OGN: variants seen among roughly 807,000 people sequenced by gnomAD.
The protein encoded by OGN is mimecan.
In OGN, 19 loss-of-function variants were observed where a neutral mutation model predicts 30.8. The observed-to-expected ratio is 0.62, with a 90% CI of 0.43 to 0.90. OGN has a LOEUF of 0.90. Among genes scored for constraint, OGN ranks in the 40% least tolerant of loss-of-function variants. OGN has a pLI of 0.00. For missense variants in OGN, 283 were observed against 349.7 expected, an observed-to-expected ratio of 0.81 and a Z score of 1.52; for synonymous variants, 126 against 128.3, an observed-to-expected ratio of 0.98 and a Z score of 0.12.
intron 3 of OGN, among the ~76,000 whole-genome samples, chr9:92,393,658 A>T (rs1316253231): frequency 6.6e-6 from 1 of 152,224 alleles, no homozygotes; most frequent in Admixed American, 6.5e-5. Flanking sequence ...TGAAAATTAG[A>T]GTAATCGTAG....
chr9:92,389,254 A>C (rs1842568451), intron 5 of OGN, among the ~76,000 whole-genome samples: 1 of 152,186 alleles, frequency 6.6e-6, no homozygotes, highest in Non-Finnish European at 1.5e-5. Context: ...ATTTTGAGAC[A>C]AATTGTCTAC....
chr9:92,390,078 AAAC>A (rs1564292842), intron 4 of OGN, 22 bp from the exon 5 acceptor site: 1 of 1,360,450 alleles, frequency 7.4e-7, no homozygotes, highest in Non-Finnish European at 1.0e-6. Flanking sequence ...AAAATATAAA[AAAC>A]AACTACGTAA....
intron 3 of OGN, among the ~76,000 whole-genome samples, chr9:92,399,083 T>C (rs996817733): frequency 2.0e-5 from 3 of 151,806 alleles, no homozygotes; most frequent in Admixed American, 1.3e-4. Context: ...TCAAAGTTGG[T>C]TCTTATGTCA....
chr9:92,402,993 T>C (rs559850786), intron 2 of OGN, among the ~76,000 whole-genome samples: 53 of 152,326 alleles, frequency 3.5e-4, no homozygotes, highest in African/African-American at 1.3e-3. Flanking sequence ...TCTAGTTTTC[T>C]TTAAGTTTTA....
rs1293424272 is a variant in OGN at position 92,393,200 on chromosome 9, A to G, written c.313T>C (p.Tyr105His). Residue 105 changes from tyrosine (Y) to histidine (H), a missense_variant, in exon 4 of 7, where the codon TAC (tyrosine) becomes CAC (histidine). By Grantham distance (83) the Tyr-to-His change is moderately conservative. Coordinates refer to ENST00000375561, the MANE Select transcript of OGN (RefSeq NM_014057.5). ...LLCVCLSGSV[Y>H]CEEVDIDAVP... is the part of the protein sequence containing the mutation. ...GCATCAATGTCAACTTCTTCACAGT[A>G]TACAGAGCCACTTAAACAAACACAC... The G allele has an allele frequency of 3.1e-6, 5 of 1,611,090 alleles. No individual in the cohort carries two copies. Among genetic ancestry groups the G allele is most frequent in the Non-Finnish European group, 4.2e-6 (5 of 1,178,312 alleles).
intron 3 of OGN, among the ~76,000 whole-genome samples, chr9:92,400,508 C>T (rs947366533): frequency 8.5e-5 from 13 of 152,170 alleles, no homozygotes; most frequent in African/African-American, 2.6e-4. Context: ...GCTTTTTAAG[C>T]TTTATTTTCT....
chr9:92,390,714 T>G (rs965116305), intron 4 of OGN, among the ~76,000 whole-genome samples: 8 of 152,236 alleles, frequency 5.3e-5, no homozygotes, highest in African/African-American at 1.9e-4. Context: ...TACTGAACCA[T>G]TATTCCTAGG....
At chr9:92,391,346 G>A (rs1016095922) in intron 4 of OGN, among the ~76,000 whole-genome samples, 3 of 152,140 alleles carry the variant, frequency 2.0e-5, no homozygotes, top group African/African-American at 7.2e-5. Context: ...GGCGGAGCTA[G>A]CAGTGAGCCG....
chr9:92,401,054 TA>T (rs1843091002), intron 3 of OGN, 37 bp downstream of exon 3: 1 of 968,586 alleles, frequency 1.0e-6, no homozygotes, highest in African/African-American at 1.6e-5. Flanking sequence ...TAGCTATTTT[TA>T]AAAGATCCAT....
intron 5 of OGN, among the ~76,000 whole-genome samples, chr9:92,388,969 T>C (rs1294981579): frequency 6.6e-6 from 1 of 152,146 alleles, no homozygotes; most frequent in Non-Finnish European, 1.5e-5. Flanking sequence ...TAAAGATACC[T>C]TAATTGTAAT....
rs1264097131 is a variant in OGN at position 92,383,461 on chromosome 9, AG to A, written c.*2158del. ...CATCTTTCCATTTATGTATGTCTTTAGTTTTTTTCAGCAATGTTAGTAAAAA... is the reference window on the plus strand; with the variant it reads ...CATCTTTCCATTTATGTATGTCTTTATTTTTTTCAGCAATGTTAGTAAAAA... On this transcript the variant is annotated 3_prime_UTR_variant, in exon 7 of 7. Transcript: ENST00000375561. 6.6e-6 allele frequency among the ~76,000 whole-genome samples: 1 copy of A among 152,204 alleles called. No individual in the cohort carries two copies. Among genetic ancestry groups the A allele is most frequent in the Non-Finnish European group, 1.5e-5 (1 of 68,022 alleles).
At position 92,400,219 on chromosome 9, in the gene OGN, C is replaced by T. The variant is rs573017566; in HGVS notation, c.268+873G>A. Among the ~76,000 whole-genome samples the T allele has an allele frequency of 5.9e-5, 9 of 152,222 alleles. No individual in the cohort carries two copies. In the East Asian group the frequency reaches 1.4e-3, roughly 23 times the overall value. On this transcript the variant is annotated intron_variant, in intron 3 of 6. Transcript: ENST00000375561. The stretch of plus-strand genomic sequence containing the variant: ...AGGCTGGAGTACAATGGCACGACCT[C>T]GGCTCACCGCAACCTCCACCTCCCA...
At chr9:92,393,299 C>T in intron 3 of OGN, 55 bp from the exon 4 acceptor site, 1 of 1,380,916 alleles carries the variant, frequency 7.2e-7, no homozygotes, top group South Asian at 1.4e-5. Context: ...AATATTTCTC[C>T]TCTAGTAGTA....
At chr9:92,395,320 T>C (rs72752446) in intron 3 of OGN, among the ~76,000 whole-genome samples, 4,679 of 152,350 alleles carry the variant, frequency 0.031, 113 homozygotes, top group South Asian at 0.083. Flanking sequence ...TGGCTTCTTT[T>C]ACTCAGCATT....
At chr9:92,387,548 T>G (rs1196273420) in intron 5 of OGN, among the ~76,000 whole-genome samples, 1 of 152,180 alleles carries the variant, frequency 6.6e-6, no homozygotes, top group Non-Finnish European at 1.5e-5. Context: ...TCTTTTACCT[T>G]ATCTTCAATA....
In OGN at chr9:92,389,997, A is replaced by C; in HGVS notation, c.487T>G (p.Phe163Val). 6.2e-7 allele frequency: 1 copy of C among 1,610,460 alleles called. No individual in the cohort carries two copies. The highest frequency in any genetic ancestry group is 8.5e-7 in the Non-Finnish European group (1 of 1,177,074). Reference sequence around the variant, plus strand: ...TCTTCTAACAGAGAAAGTTTTGAAAAAGTACCATCTTCTATATCTTCTATC... The same window carrying C: ...TCTTCTAACAGAGAAAGTTTTGAAACAGTACCATCTTCTATATCTTCTATC... ...NLIEDIEDGT[F>V]SKLSLLEELS... The change falls in exon 5 of 7, where the codon TTT (phenylalanine) becomes GTT (valine). Residue 163 changes from phenylalanine to valine, a missense_variant. Coordinates refer to ENST00000375561, the MANE Select transcript of OGN (RefSeq NM_014057.5).
At chr9:92,389,027 A>AT (rs891623431) in intron 5 of OGN, among the ~76,000 whole-genome samples, 2 of 152,132 alleles carry the variant, frequency 1.3e-5, no homozygotes, top group African/African-American at 4.8e-5. Context: ...CAGATTGTAC[A>AT]TTTTTTGACA....
intron 5 of OGN, 95 bp from the exon 6 acceptor site, chr9:92,386,391 A>G (rs1407307496): frequency 1.3e-6 from 1 of 749,250 alleles, no homozygotes; most frequent in Non-Finnish European, 2.4e-6. Context: ...ATATGTCTAT[A>G]TATACAGACT....
intron 5 of OGN, among the ~76,000 whole-genome samples, chr9:92,386,970 C>A (rs143795095): frequency 0.031 from 4,634 of 150,978 alleles, 108 homozygotes; most frequent in South Asian, 0.083. Flanking sequence ...ATGCTGTGAA[C>A]CCAGGAGGCA....
Sources: gnomAD v4.1 joint callset for allele counts (sites outside exome capture counted in the v4.1 genomes callset) on GRCh38, gnomAD v4.1.1 for gene constraint, MANE v1.5 for transcripts, NCBI Gene and HGNC (gene_info 2026-07-23, HGNC 2026-07-21) for gene names.